PDE7A: variants seen among roughly 807,000 people sequenced by gnomAD.
The protein encoded by PDE7A is high affinity 3',5'-cyclic-AMP phosphodiesterase 7A.
PDE7A carries 39 observed loss-of-function variants against 64.3 expected under a neutral mutation model. That is an observed-to-expected ratio of 0.61 (90% CI 0.47 to 0.79). The LOEUF is 0.79. Ranked by LOEUF, PDE7A falls within the 30% of genes least tolerant of loss-of-function variation. PDE7A has a pLI of 0.00. For missense variants in PDE7A, 470 were observed against 582.8 expected, an observed-to-expected ratio of 0.81 and a Z score of 1.99; for synonymous variants, 203 against 206.8, an observed-to-expected ratio of 0.98 and a Z score of 0.16.
At chr8:65,740,707 C>T (rs1328259149) in intron 5 of PDE7A, among the ~76,000 whole-genome samples, 1 of 152,118 alleles carries the variant, frequency 6.6e-6, no homozygotes, top group Non-Finnish European at 1.5e-5. Context: ...GGCCAAGTTT[C>T]CCTTTCTTTC....
intron 5 of PDE7A, among the ~76,000 whole-genome samples, chr8:65,740,550 G>A (rs971455840): frequency 8.6e-5 from 13 of 152,004 alleles, no homozygotes; most frequent in Admixed American, 5.9e-4. Flanking sequence ...ACAGGCACCC[G>A]CCACCAAGCC....
chr8:65,720,817 C>T (rs550492994), intron 12 of PDE7A, among the ~76,000 whole-genome samples: 26 of 152,192 alleles, frequency 1.7e-4, no homozygotes, highest in Non-Finnish European at 3.4e-4. Context: ...TTTCTGGCAG[C>T]CATCTTCACA....
intron 1 of PDE7A, among the ~76,000 whole-genome samples, chr8:65,840,841 G>A (rs1811062379): frequency 6.6e-6 from 1 of 152,240 alleles, no homozygotes; most frequent in African/African-American, 2.4e-5. Context: ...CCCAGCCACA[G>A]AAACGAAGGA....
Position 65,726,662 on chromosome 8 carries a change from G to A in PDE7A, c.920+213C>T, listed in dbSNP as rs546702513. Among the ~76,000 whole-genome samples the A allele has an allele frequency of 2.0e-5, 3 of 152,254 alleles. No individual in the cohort carries two copies. In the East Asian group the frequency reaches 5.8e-4, roughly 29 times the overall value. ...TTATAGTATTCAAACCCATGGAATA[G>A]TCTTTGATAAAAATAACTATCCATT... On this transcript the variant is annotated intron_variant, in intron 9 of 12. Transcript: ENST00000401827.
chr8:65,751,551 GGT>G (rs1341229122), intron 3 of PDE7A, among the ~76,000 whole-genome samples: 3 of 151,810 alleles, frequency 2.0e-5, no homozygotes, highest in Admixed American at 6.6e-5. Context: ...AGAGTGCAAT[GGT>G]GCGATATCGG....
chr8:65,808,414 T>C (rs1291102137), intron 1 of PDE7A, among the ~76,000 whole-genome samples: 1 of 152,206 alleles, frequency 6.6e-6, no homozygotes, highest in African/African-American at 2.4e-5. Flanking sequence ...AAGTCTCCAG[T>C]ATTTATTTCT....
chr8:65,777,591 T>C (rs1809297410), intron 3 of PDE7A, among the ~76,000 whole-genome samples: 1 of 152,236 alleles, frequency 6.6e-6, no homozygotes. Context: ...TGTCATGTTG[T>C]AGTATCAAGA....
chr8:65,822,193 G>C (rs771057479), intron 1 of PDE7A, among the ~76,000 whole-genome samples: 2 of 152,200 alleles, frequency 1.3e-5, no homozygotes, highest in African/African-American at 2.4e-5. Flanking sequence ...AAGTCTTTAA[G>C]GGGCTGGAAA....
At chr8:65,735,647 G>A (rs1230714611) in intron 6 of PDE7A, among the ~76,000 whole-genome samples, 1 of 151,418 alleles carries the variant, frequency 6.6e-6, no homozygotes, top group Admixed American at 6.6e-5. Context: ...TTTTTGAGAT[G>A]GAGTCTCGCT....
chr8:65,779,832 T>A, intron 2 of PDE7A, 29 bp from the exon 3 acceptor site: 1 of 1,413,598 alleles, frequency 7.1e-7, no homozygotes, highest in Non-Finnish European at 9.8e-7. Flanking sequence ...AAAACATAAG[T>A]TTAGAAGGTT....
intron 1 of PDE7A, among the ~76,000 whole-genome samples, chr8:65,809,605 T>C (rs1402571431): frequency 6.6e-6 from 1 of 152,216 alleles, no homozygotes; most frequent in African/African-American, 2.4e-5. Context: ...TCTACCCATC[T>C]GACAAAAGGC....
chr8:65,736,630 A>G lies in PDE7A; in HGVS notation c.596-1736T>C, dbSNP rs529487293. Among the ~76,000 whole-genome samples, 5 of 151,950 alleles carry G rather than the reference A, an allele frequency of 3.3e-5. No individual in the cohort carries two copies. In the East Asian group the frequency reaches 5.9e-4, roughly 18 times the overall value. ...GTCTGGTGTGGTGGTGCACACCTAT[A>G]TTCCTAGCTACTCGGGAGGCTGAGG... is the stretch of plus-strand genomic sequence containing the variant. On this transcript the variant is annotated intron_variant, in intron 6 of 12. Transcript: ENST00000401827.
At position 65,714,983 on chromosome 8, in the gene PDE7A, T is replaced by A. The variant is rs906858409; in HGVS notation, c.*4307A>T. Among the ~76,000 whole-genome samples, 2 of 152,144 alleles carry A rather than the reference T, an allele frequency of 1.3e-5. No individual in the cohort carries two copies. Among genetic ancestry groups the A allele is most frequent in the African/African-American group, 2.4e-5 (1 of 41,432 alleles). ...TGACCAGGAACCAATTTTTCTTTTT[T>A]AAAGTTAGGACTTGTCAAAATTTTC... On this transcript the variant is annotated 3_prime_UTR_variant, in exon 13 of 13. Transcript: ENST00000401827.
chr8:65,817,384 T>C (rs1181908733), intron 1 of PDE7A, among the ~76,000 whole-genome samples: 2 of 152,344 alleles, frequency 1.3e-5, no homozygotes, highest in Admixed American at 6.5e-5. Context: ...TGGAAATGTC[T>C]TACATAACCA....
At position 65,825,928 on chromosome 8, in the gene PDE7A, C is replaced by T. The variant is rs139594292; in HGVS notation, c.138+15443G>A. On this transcript the variant is annotated intron_variant, in intron 1 of 12. Transcript: ENST00000401827. The stretch of plus-strand genomic sequence containing the variant: ...TTAGTGAGGTGTGTCATAAATAAAA[C>T]GAAGTGTAACAGGTAATGGGATAGA... Among the ~76,000 whole-genome samples the T allele has an allele frequency of 3.1e-3, 471 of 152,142 alleles. 4 individuals carry two copies. Among genetic ancestry groups the T allele is most frequent in the Non-Finnish European group, 5.5e-3 (375 of 67,990 alleles).
chr8:65,738,152 TA>T (rs58556144), intron 6 of PDE7A, among the ~76,000 whole-genome samples: 30,146 of 151,316 alleles, frequency 0.2, 3,460 homozygotes, highest in African/African-American at 0.32. Context: ...ATTATGTCTT[TA>T]AAAAAAAACG....
At chr8:65,770,432 A>G (rs1435800807) in intron 3 of PDE7A, among the ~76,000 whole-genome samples, 1 of 152,200 alleles carries the variant, frequency 6.6e-6, no homozygotes, top group African/African-American at 2.4e-5. Flanking sequence ...TAAAATCATC[A>G]GATTTCGTGA....
intron 3 of PDE7A, among the ~76,000 whole-genome samples, chr8:65,759,765 T>C (rs1281075009): frequency 6.6e-6 from 1 of 152,208 alleles, no homozygotes; most frequent in East Asian, 1.9e-4. Flanking sequence ...ACCCTCTCTT[T>C]TGCTCAGCCT....
rs1806093374 is a variant in PDE7A, at chr8:65,715,402, G to C, written c.*3888C>G. The stretch of plus-strand genomic sequence containing the variant: ...AAGTTTTTTTTTTTTTTTTGAGACA[G>C]AGTCTTGCTCTGTCACCTAGGCTGG... On this transcript the variant is annotated 3_prime_UTR_variant, in exon 13 of 13. Coordinates refer to ENST00000401827, the MANE Select transcript of PDE7A (RefSeq NM_001242318.3). 6.7e-6 allele frequency among the ~76,000 whole-genome samples: 1 copy of C among 148,162 alleles called. No homozygotes were observed. The highest frequency in any genetic ancestry group is 1.5e-5 in the Non-Finnish European group (1 of 67,248).
Sources: gnomAD v4.1 joint callset for allele counts (sites outside exome capture counted in the v4.1 genomes callset) on GRCh38, gnomAD v4.1.1 for gene constraint, MANE v1.5 for transcripts, NCBI Gene and HGNC (gene_info 2026-07-23, HGNC 2026-07-21) for gene names.